The following PTPN4 variants were observed in gnomAD, a reference collection of about 807,000 sequenced individuals.
PTPN4 encodes protein tyrosine phosphatase non-receptor type 4.
Under a neutral mutation model 135.5 loss-of-function variants are expected in PTPN4, and 49 were observed. The observed-to-expected ratio is 0.36, with a 90% CI of 0.29 to 0.46. The LOEUF (loss-of-function observed/expected upper bound fraction) is 0.46. Among genes scored for constraint, PTPN4 ranks in the 20% least tolerant of loss-of-function variants. The pLI is 1.00. For missense variants in PTPN4, 860 were observed against 1,101.0 expected (o/e 0.78, Z 3.10); for synonymous variants, 333 against 369.9 (o/e 0.90, Z 1.14).
At chr2:119,860,328 C>A (rs1428725936) in intron 2 of PTPN4, among the ~76,000 whole-genome samples, 2 of 152,138 alleles carry the variant, frequency 1.3e-5, no homozygotes, top group African/African-American at 2.4e-5. Context: ...CCATTTGACC[C>A]AATTCTGGCC....
intron 3 of PTPN4, among the ~76,000 whole-genome samples, chr2:119,868,727 G>A (rs865982893): frequency 1.3e-5 from 2 of 152,062 alleles, no homozygotes; most frequent in African/African-American, 4.8e-5. Flanking sequence ...CCTTTAATTC[G>A]GCCCATCCCT....
chr2:119,889,966 G>C (rs1010700412), intron 9 of PTPN4, among the ~76,000 whole-genome samples: 2 of 152,126 alleles, frequency 1.3e-5, no homozygotes, highest in Non-Finnish European at 2.9e-5. Context: ...TGTTCCATGT[G>C]CTTATGAAAA....
At chr2:119,856,951 A>G (rs1241070803) in intron 2 of PTPN4, among the ~76,000 whole-genome samples, 1 of 152,168 alleles carries the variant, frequency 6.6e-6, no homozygotes, top group Non-Finnish European at 1.5e-5. Flanking sequence ...TGAATCTTGA[A>G]AGGAGAGGTA....
rs1057266866 is a variant in PTPN4 at position 119,981,007 on chromosome 2, T to C, written c.*3937T>C. The stretch of plus-strand genomic sequence containing the variant: ...ATATCAGGAAGAGAGAAGGAAACAT[T>C]AGTTTATAACAATGTGCTATTTAAT... On this transcript the variant is annotated 3_prime_UTR_variant, in exon 27 of 27. Transcript: ENST00000263708. The C allele has an allele frequency of 4.6e-5, 7 of 152,080 alleles. No individual in the cohort carries two copies. Among genetic ancestry groups the C allele is most frequent in the African/African-American group, 1.7e-4 (7 of 41,458 alleles). 9.4% of individuals were successfully genotyped at this position (152,080 alleles called of 1,614,324 possible).
intron 1 of PTPN4, among the ~76,000 whole-genome samples, chr2:119,770,653 A>G (rs1394286424): frequency 5.9e-5 from 9 of 152,196 alleles, no homozygotes; most frequent in Non-Finnish European, 1.3e-4. Context: ...TGACTTCAGC[A>G]TATAAAAAGC....
chr2:119,945,343 A>G, intron 16 of PTPN4, 103 bp downstream of exon 16: 1 of 1,004,878 alleles, frequency 1.0e-6, no homozygotes, highest in Non-Finnish European at 1.4e-6. Context: ...GTTGTATTAC[A>G]GTACCTTCTC....
rs186431381 is a variant in PTPN4, at chr2:119,950,369, G to A, written c.1657-1604G>A. 1.7e-3 allele frequency among the ~76,000 whole-genome samples: 253 copies of A among 152,272 alleles called. 1 individual carries two copies. Among genetic ancestry groups the A allele is most frequent in the Admixed American group, 3.8e-3 (58 of 15,298 alleles). ...ACAAAAAAGCAACTTGAGAGAATGA[G>A]CATAACTCTAAATTTGAACGTTCCA... On this transcript the variant is annotated intron_variant, in intron 18 of 26. Coordinates refer to ENST00000263708, the MANE Select transcript of PTPN4 (RefSeq NM_002830.4).
chr2:119,832,196 CTAGG>C (rs1200800970), intron 2 of PTPN4, among the ~76,000 whole-genome samples: 2 of 152,182 alleles, frequency 1.3e-5, no homozygotes, highest in African/African-American at 2.4e-5. Context: ...ACAGGTCTTA[CTAGG>C]TAGGCTCCCT....
chr2:119,932,343 G>A (rs1678919322), intron 13 of PTPN4, 81 bp from the exon 14 acceptor site: 1 of 1,354,020 alleles, frequency 7.4e-7, no homozygotes, highest in Non-Finnish European at 9.9e-7. Flanking sequence ...CATAATCTCT[G>A]AAAACAAATT....
intron 9 of PTPN4, among the ~76,000 whole-genome samples, chr2:119,891,953 T>A (rs980460222): frequency 1.3e-5 from 2 of 152,330 alleles, no homozygotes; most frequent in Admixed American, 1.3e-4. Context: ...CCTGAAGATT[T>A]ATCTGTGGTT....
At chr2:119,898,090 C>A (rs1678350499) in intron 9 of PTPN4, among the ~76,000 whole-genome samples, 1 of 152,136 alleles carries the variant, frequency 6.6e-6, no homozygotes, top group Non-Finnish European at 1.5e-5. Flanking sequence ...GAAACTTAAA[C>A]AACAAAACAT....
chr2:119,798,188 C>T (rs1275537528), intron 1 of PTPN4, among the ~76,000 whole-genome samples: 9 of 142,734 alleles, frequency 6.3e-5, no homozygotes, highest in African/African-American at 2.3e-4. Flanking sequence ...TTTTTTGAGA[C>T]GGAGTTTTGC....
chr2:119,915,880 T>G (rs1037839000), intron 11 of PTPN4: 3 of 152,060 alleles, frequency 2.0e-5, no homozygotes, highest in Non-Finnish European at 4.4e-5. Flanking sequence ...GTGTGTAAAA[T>G]GTATTTGAAA....
At chr2:119,904,185 A>G (rs1009385242) in intron 10 of PTPN4, among the ~76,000 whole-genome samples, 1 of 152,166 alleles carries the variant, frequency 6.6e-6, no homozygotes, top group Non-Finnish European at 1.5e-5. Flanking sequence ...CAAGAAAACC[A>G]TTCATAATCT....
At chr2:119,772,739 G>A (rs1006558646) in intron 1 of PTPN4, among the ~76,000 whole-genome samples, 2 of 151,988 alleles carry the variant, frequency 1.3e-5, no homozygotes, top group African/African-American at 4.8e-5. Flanking sequence ...GGGTTTCACT[G>A]TGTTGGCCAG....
chr2:119,761,347 A>C (rs1379871570), intron 1 of PTPN4, among the ~76,000 whole-genome samples: 1 of 152,198 alleles, frequency 6.6e-6, no homozygotes, highest in African/African-American at 2.4e-5. Context: ...CAGAGGAAAA[A>C]AATTTTTTTT....
At position 119,915,179 on chromosome 2, in the gene PTPN4, G is replaced by A; in HGVS notation, c.765G>A (p.Trp255Ter). 6.5e-7 allele frequency: 1 copy of A among 1,531,996 alleles called. No individual in the cohort carries two copies. The highest frequency in any genetic ancestry group is 8.8e-7 in the Non-Finnish European group (1 of 1,140,808). 94.9% of individuals were successfully genotyped at this position (1,531,996 alleles called of 1,614,324 possible). Reference protein sequence around the residue: ...KNRVRMNTFPWLKIVKISFKC... With the variant: ...KNRVRMNTFP ...GAATAATTTATTGTCTTTTGTCCAG[G>A]TTGAAGATTGTAAAAATTTCTTTTA... The change falls in exon 11 of 27, where the codon TGG becomes TGA. Residue 255 changes from tryptophan (W) to a stop codon, truncating the protein, a stop_gained and splice_region_variant. Coordinates refer to ENST00000263708, the MANE Select transcript of PTPN4 (RefSeq NM_002830.4). LOFTEE classifies it high-confidence loss of function.
intron 1 of PTPN4, among the ~76,000 whole-genome samples, chr2:119,801,526 C>A (rs2104942553): frequency 6.6e-6 from 1 of 152,288 alleles, no homozygotes; most frequent in East Asian, 1.9e-4. Context: ...ATGTTCCAGT[C>A]CGTGAACATA....
chr2:119,845,937 C>G (rs913381370), intron 2 of PTPN4, among the ~76,000 whole-genome samples: 1 of 152,138 alleles, frequency 6.6e-6, no homozygotes, highest in African/African-American at 2.4e-5. Context: ...GTGATTTCTT[C>G]TTTGACCCCT....
Sources: gnomAD v4.1 joint callset for allele counts (sites outside exome capture counted in the v4.1 genomes callset) on GRCh38, gnomAD v4.1.1 for gene constraint, MANE v1.5 for transcripts, NCBI Gene and HGNC (gene_info 2026-07-23, HGNC 2026-07-21) for gene names.